Variants in ZSWIM6 observed in about 807,000 individuals in gnomAD.
The protein encoded by ZSWIM6 is zinc finger SWIM-type containing 6, also known as zinc finger SWIM domain-containing protein 6.
ZSWIM6 carries 9 observed loss-of-function variants against 113.2 expected under a neutral mutation model. The observed-to-expected ratio is 0.08, with a 90% CI of 0.05 to 0.14. ZSWIM6 has a LOEUF of 0.14. Ranked by LOEUF, ZSWIM6 falls within the 10% of genes least tolerant of loss-of-function variation. The pLI, the probability that ZSWIM6 is intolerant of heterozygous loss-of-function variation, is 1.00. For missense variants in ZSWIM6, 1,162 were observed against 1,552.2 expected, an observed-to-expected ratio of 0.75 and a Z score of 4.22; for synonymous variants, 611 against 606.5, an observed-to-expected ratio of 1.01 and a Z score of -0.11.
At chr5:61,470,524 G>A (rs542093637) in intron 1 of ZSWIM6, among the ~76,000 whole-genome samples, 23 of 152,070 alleles carry the variant, frequency 1.5e-4, no homozygotes, top group Middle Eastern at 3.4e-3. Context: ...AGATTTGCTG[G>A]GGTGTTTACT....
intron 1 of ZSWIM6, among the ~76,000 whole-genome samples, chr5:61,404,102 G>T (rs951508020): frequency 2.0e-5 from 3 of 151,956 alleles, no homozygotes; most frequent in African/African-American, 7.2e-5. Context: ...CCGCCTCCCG[G>T]GTTCACTCCA....
chr5:61,439,356 A>G (rs577634126), intron 1 of ZSWIM6, among the ~76,000 whole-genome samples: 1 of 152,338 alleles, frequency 6.6e-6, no homozygotes, highest in Non-Finnish European at 1.5e-5. Flanking sequence ...TACACCCTCA[A>G]GCAGTTTGTA....
chr5:61,424,972 G>T (rs1298851720), intron 1 of ZSWIM6, among the ~76,000 whole-genome samples: 1 of 151,858 alleles, frequency 6.6e-6, no homozygotes, highest in Non-Finnish European at 1.5e-5. Context: ...CCTGCCTCGG[G>T]CTCCCAAAGC....
At chr5:61,532,945 A>C (rs956079772) in intron 9 of ZSWIM6, among the ~76,000 whole-genome samples, 5 of 152,354 alleles carry the variant, frequency 3.3e-5, no homozygotes, top group African/African-American at 1.2e-4. Flanking sequence ...GTCACTGACT[A>C]TACTGACTTT....
At chr5:61,333,446 C>T (rs892703371) in intron 1 of ZSWIM6, among the ~76,000 whole-genome samples, 4 of 151,922 alleles carry the variant, frequency 2.6e-5, no homozygotes, top group South Asian at 2.1e-4. Flanking sequence ...CTTTTTCTTT[C>T]TGGCCCCCGC....
chr5:61,418,427 C>T lies in ZSWIM6; in HGVS notation c.677-54254C>T, dbSNP rs568077318. On this transcript the variant is annotated intron_variant, in intron 1 of 13. Coordinates refer to ENST00000252744, the MANE Select transcript of ZSWIM6 (RefSeq NM_020928.2). ...GGATTACAGGTGCCTGCCACCACAC[C>T]CGGCTACTTTTTTGTATTTTTAGTA... is the stretch of plus-strand genomic sequence containing the variant. Among the ~76,000 whole-genome samples the T allele has an allele frequency of 2.6e-5, 4 of 152,126 alleles. No individual in the cohort carries two copies. In the South Asian group the frequency reaches 6.2e-4, roughly 24 times the overall value.
chr5:61,436,274 G>T (rs1174940760), intron 1 of ZSWIM6, among the ~76,000 whole-genome samples: 3 of 151,896 alleles, frequency 2.0e-5, no homozygotes, highest in African/African-American at 7.3e-5. Flanking sequence ...ACATCAGCTG[G>T]CCTGTGCTTT....
chr5:61,343,885 CTTTTT>C (rs34203086), intron 1 of ZSWIM6, among the ~76,000 whole-genome samples: 1 of 138,040 alleles, frequency 7.2e-6, no homozygotes, highest in Non-Finnish European at 1.6e-5. Flanking sequence ...GCACTTTGGA[CTTTTT>C]TTTTTTTTTT....
chr5:61,420,251 C>G (rs1270719313), intron 1 of ZSWIM6, among the ~76,000 whole-genome samples: 2 of 152,192 alleles, frequency 1.3e-5, no homozygotes, highest in African/African-American at 4.8e-5. Flanking sequence ...TAGAGACCAG[C>G]ACATTGTCTA....
intron 1 of ZSWIM6, chr5:61,375,778 A>G (rs1311966722): frequency 2.0e-5 from 30 of 1,504,486 alleles, no homozygotes; most frequent in Non-Finnish European, 2.3e-5. Context: ...AGAAAAAACA[A>G]AAAAGAAAAA....
chr5:61,336,329 A>C (rs114530361), intron 1 of ZSWIM6, among the ~76,000 whole-genome samples: 1,707 of 152,350 alleles, frequency 0.011, 25 homozygotes, highest in African/African-American at 0.038. Flanking sequence ...CTGGTATATA[A>C]GTATTATCGA....
chr5:61,428,010 G>A (rs1480646795), intron 1 of ZSWIM6, among the ~76,000 whole-genome samples: 2 of 151,874 alleles, frequency 1.3e-5, no homozygotes, highest in African/African-American at 4.8e-5. Flanking sequence ...AGCTACTGGA[G>A]ATGGCTTTCT....
chr5:61,349,937 A>G (rs1744745865), intron 1 of ZSWIM6, among the ~76,000 whole-genome samples: 1 of 152,234 alleles, frequency 6.6e-6, no homozygotes, highest in African/African-American at 2.4e-5. Flanking sequence ...AATATCCCAC[A>G]AGATCTTACA....
At chr5:61,521,120 G>A in intron 4 of ZSWIM6, 143 bp from the exon 5 acceptor site, 1 of 367,360 alleles carries the variant, frequency 2.7e-6, no homozygotes. Flanking sequence ...TAATTAACTT[G>A]ATAATTTAAA....
intron 13 of ZSWIM6, among the ~76,000 whole-genome samples, chr5:61,542,894 T>G (rs917905845): frequency 6.6e-6 from 1 of 152,192 alleles, no homozygotes; most frequent in Non-Finnish European, 1.5e-5. Context: ...TGAGGGATAT[T>G]GGGTCTGTGA....
intron 1 of ZSWIM6, among the ~76,000 whole-genome samples, chr5:61,424,292 T>C (rs908105869): frequency 2.0e-5 from 3 of 152,208 alleles, no homozygotes; most frequent in African/African-American, 7.2e-5. Flanking sequence ...AGGGATTAGA[T>C]ATAAGGTACA....
At chr5:61,439,860 A>G (rs148485477) in intron 1 of ZSWIM6, among the ~76,000 whole-genome samples, 145 of 152,232 alleles carry the variant, frequency 9.5e-4, no homozygotes, top group African/African-American at 3.4e-3. Flanking sequence ...GTGGTTTTTA[A>G]AGTTATCTAT....
At chr5:61,384,017 G>A (rs1414172974) in intron 1 of ZSWIM6, among the ~76,000 whole-genome samples, 1 of 150,454 alleles carries the variant, frequency 6.6e-6, no homozygotes. Context: ...CGAGGCAGGT[G>A]GATCATGAGG....
intron 1 of ZSWIM6, among the ~76,000 whole-genome samples, chr5:61,439,920 A>G (rs1746789912): frequency 6.6e-6 from 1 of 152,160 alleles, no homozygotes; most frequent in African/African-American, 2.4e-5. Context: ...GAATGGTTGT[A>G]TGTTGCTAAT....
Sources: allele counts gnomAD v4.1 joint callset (sites outside exome capture counted in the v4.1 genomes callset), GRCh38; gene constraint gnomAD v4.1.1; transcripts MANE v1.5; gene names NCBI Gene and HGNC (gene_info 2026-07-23, HGNC 2026-07-21).